Variants in NTNG1 observed in about 807,000 individuals in gnomAD.
NTNG1 encodes netrin-G1.
NTNG1 carries 16 observed loss-of-function variants against 54.0 expected under a neutral mutation model. That is an observed-to-expected ratio of 0.30 (90% CI 0.20 to 0.45). The LOEUF is 0.45. NTNG1 is among the 20% of genes least tolerant of loss of function. The pLI is 1.00. For missense variants in NTNG1, 530 were observed against 678.7 expected, an observed-to-expected ratio of 0.78 and a Z score of 2.43; for synonymous variants, 255 against 263.1, an observed-to-expected ratio of 0.97 and a Z score of 0.30.
intron 7 of NTNG1, among the ~76,000 whole-genome samples, chr1:107,439,667 A>G (rs1675840059): frequency 6.6e-6 from 1 of 151,998 alleles, no homozygotes; most frequent in Non-Finnish European, 1.5e-5. Flanking sequence ...CTGGTATTCT[A>G]TGTTAAAATA....
chr1:107,194,129 C>T (rs532034217), intron 2 of NTNG1, among the ~76,000 whole-genome samples: 25 of 152,062 alleles, frequency 1.6e-4, no homozygotes, highest in African/African-American at 6.0e-4. Context: ...TAGAACTCTC[C>T]TTGTACTGGC....
chr1:107,411,149 T>C (rs756477692), intron 5 of NTNG1, among the ~76,000 whole-genome samples: 6 of 151,930 alleles, frequency 3.9e-5, no homozygotes, highest in Non-Finnish European at 8.8e-5. Flanking sequence ...ATATGAAGCA[T>C]AGAATACTGA....
intron 2 of NTNG1, among the ~76,000 whole-genome samples, chr1:107,260,413 G>A (rs1410497502): frequency 6.6e-6 from 1 of 152,162 alleles, no homozygotes; most frequent in East Asian, 1.9e-4. Context: ...ATTTCACTCT[G>A]ATGTTCTACA....
intron 3 of NTNG1, among the ~76,000 whole-genome samples, chr1:107,338,002 T>A (rs1322851541): frequency 6.6e-6 from 1 of 151,920 alleles, no homozygotes; most frequent in Non-Finnish European, 1.5e-5. Context: ...TGGAGGATAT[T>A]TAATATCAGA....
At chr1:107,407,068 G>A (rs973244905) in intron 4 of NTNG1, among the ~76,000 whole-genome samples, 1 of 152,148 alleles carries the variant, frequency 6.6e-6, no homozygotes, top group African/African-American at 2.4e-5. Flanking sequence ...TGATCAATAT[G>A]CACAACCTAA....
At chr1:107,480,145 C>T (rs78054964) in intron 7 of NTNG1, among the ~76,000 whole-genome samples, 3,922 of 152,066 alleles carry the variant, frequency 0.026, 178 homozygotes, top group African/African-American at 0.09. Context: ...AATCACGCAC[C>T]GAGAGAATGG....
intron 6 of NTNG1, among the ~76,000 whole-genome samples, chr1:107,434,753 T>C (rs1403553309): frequency 6.6e-6 from 1 of 152,190 alleles, no homozygotes; most frequent in Non-Finnish European, 1.5e-5. Flanking sequence ...TGCTTTGTAA[T>C]CTAACAGTCC....
intron 3 of NTNG1, among the ~76,000 whole-genome samples, chr1:107,378,187 C>G (rs1671418578): frequency 6.6e-6 from 1 of 152,228 alleles, no homozygotes. Flanking sequence ...CAACCCTGTG[C>G]TTCCCCAAGT....
chr1:107,175,550 C>G (rs989681438), intron 2 of NTNG1, among the ~76,000 whole-genome samples: 2 of 151,992 alleles, frequency 1.3e-5, no homozygotes, highest in Non-Finnish European at 2.9e-5. Context: ...CACTGGCAAA[C>G]ATTCTGGTAT....
chr1:107,299,385 G>GT (rs998862151), intron 2 of NTNG1, among the ~76,000 whole-genome samples: 2 of 151,854 alleles, frequency 1.3e-5, no homozygotes, highest in African/African-American at 2.4e-5. Context: ...AATTTGAAGC[G>GT]TTTTTTTTCT....
rs762718931 is a variant in NTNG1 at position 107,418,608 on chromosome 1, G to A, written c.1087+10900G>A. ...CTCCAAAGTTTAATAGGATATGGCC[G>A]AATATTTCTTCCCTTGAGGTTTCTA... is the stretch of plus-strand genomic sequence containing the variant. On this transcript the variant is annotated intron_variant, in intron 5 of 7. Coordinates refer to ENST00000370068, the MANE Select transcript of NTNG1 (RefSeq NM_001113226.3). 8.1e-6 allele frequency: 13 copies of A among 1,603,424 alleles called. No individual in the cohort carries two copies. The South Asian group carries it at 9.0e-5, about 11-fold the overall frequency.
At chr1:107,260,452 C>T (rs12405722) in intron 2 of NTNG1, among the ~76,000 whole-genome samples, 18,546 of 152,186 alleles carry the variant, frequency 0.12, 1,536 homozygotes, top group East Asian at 0.4. Context: ...CTGCCACCAA[C>T]AATAGCTGTA....
chr1:107,357,589 C>T (rs1225104870), intron 3 of NTNG1, among the ~76,000 whole-genome samples: 1 of 152,078 alleles, frequency 6.6e-6, no homozygotes. Flanking sequence ...GAGAAATGGC[C>T]AGAAATCCTG....
At chr1:107,221,561 GA>G (rs2101468218) in intron 2 of NTNG1, among the ~76,000 whole-genome samples, 1 of 152,282 alleles carries the variant, frequency 6.6e-6, no homozygotes, top group South Asian at 2.1e-4. Context: ...TTTCTAGGTA[GA>G]GGGAACATTC....
At chr1:107,188,061 A>AT (rs11373664) in intron 2 of NTNG1, among the ~76,000 whole-genome samples, 127,247 of 151,272 alleles carry the variant, frequency 0.84, 54,732 homozygotes, top group East Asian at 0.99. Context: ...TGGCATAGGC[A>AT]TTTTTTTTTG....
chr1:107,208,218 C>T (rs1447666509), intron 2 of NTNG1, among the ~76,000 whole-genome samples: 2 of 152,046 alleles, frequency 1.3e-5, no homozygotes, highest in East Asian at 3.9e-4. Context: ...TCACCAGAGG[C>T]TGGGAGTTTG....
At chr1:107,382,850 G>A (rs1671731146) in intron 3 of NTNG1, among the ~76,000 whole-genome samples, 1 of 149,622 alleles carries the variant, frequency 6.7e-6, no homozygotes, top group African/African-American at 2.5e-5. Context: ...ACAAAAGTAG[G>A]CCACCAAATA....
intron 2 of NTNG1, among the ~76,000 whole-genome samples, chr1:107,310,503 C>G (rs916269916): frequency 6.6e-6 from 1 of 152,048 alleles, no homozygotes; most frequent in African/African-American, 2.4e-5. Flanking sequence ...AACAGCTATT[C>G]CAGTCTTACA....
At position 107,467,046 on chromosome 1, in the gene NTNG1, T is replaced by G. The variant is rs558258566; in HGVS notation, c.1391-13565T>G. On this transcript the variant is annotated intron_variant, in intron 7 of 7. Transcript: ENST00000370068. ...TCCTCTTTCTGCCTCATGTTTGAAGTTTGGCTTTAGTAAAAGTTATGTTGC... is the reference window on the plus strand; with the variant it reads ...TCCTCTTTCTGCCTCATGTTTGAAGGTTGGCTTTAGTAAAAGTTATGTTGC... 2.6e-5 allele frequency among the ~76,000 whole-genome samples: 4 copies of G among 152,306 alleles called. No homozygotes were observed. The East Asian group carries it at 7.7e-4, about 29-fold the overall frequency.
Sources: gnomAD v4.1 joint callset for allele counts (sites outside exome capture counted in the v4.1 genomes callset) on GRCh38, gnomAD v4.1.1 for gene constraint, MANE v1.5 for transcripts, NCBI Gene and HGNC (gene_info 2026-07-23, HGNC 2026-07-21) for gene names.